Variants in ADAT1 observed in about 807,000 individuals in gnomAD.
ADAT1 encodes adenosine deaminase tRNA specific 1.
In ADAT1, 58 loss-of-function variants were observed where a neutral mutation model predicts 58.6. The observed-to-expected ratio is 0.99, with a 90% CI of 0.80 to 1.23. The LOEUF (loss-of-function observed/expected upper bound fraction) is 1.23. Among genes scored for constraint, ADAT1 ranks in the 50% most tolerant of loss-of-function variants. ADAT1 has a pLI of 0.00. For missense variants in ADAT1, 741 were observed against 608.6 expected (o/e 1.22, Z -2.29); for synonymous variants, 254 against 220.8 (o/e 1.15, Z -1.33).
chr16:75,600,319 T>C lies in ADAT1; in HGVS notation c.1406A>G (p.Tyr469Cys), dbSNP rs1341988350. The C allele has an allele frequency of 1.2e-6, 2 of 1,613,896 alleles. No individual in the cohort carries two copies. Among genetic ancestry groups the C allele is most frequent in the Non-Finnish European group, 8.5e-7 (1 of 1,180,020 alleles). ...CTGGTAAGAGGACGCAGCCTCCTTG[T>C]ACTCCTGGTAGGTATCCAGCTTCTG... is the stretch of plus-strand genomic sequence containing the variant. ...RVQKLDTYQE[Y>C]KEAASSYQEA... is the part of the protein sequence containing the mutation. Residue 469 changes from tyrosine to cysteine, a missense_variant, in exon 10 of 10, where the codon TAC becomes TGC. Tyr to Cys is a radical substitution (Grantham distance 194, BLOSUM62 -2). Coordinates refer to ENST00000564657, the MANE Select transcript of ADAT1 (RefSeq NM_001324445.2).
In ADAT1 at chr16:75,599,262, A is replaced by C; in HGVS notation, c.*954T>G. ...ATGCCCGGCTAGTTTTTGCATTTTT[A>C]GTAGAGACAGGGTTTCACCAGGTTG... On this transcript the variant is annotated 3_prime_UTR_variant, in exon 10 of 10. Transcript: ENST00000564657. 1.2e-6 allele frequency: 1 copy of C among 842,652 alleles called. No individual in the cohort carries two copies. The highest frequency in any genetic ancestry group is 1.4e-6 in the Non-Finnish European group (1 of 700,150). The allele number at this position is 842,652 out of a possible 1,614,324, so 52.2% of individuals were successfully genotyped here.
chr16:75,614,104 C>T (rs1028696104), intron 5 of ADAT1, among the ~76,000 whole-genome samples: 12 of 152,050 alleles, frequency 7.9e-5, no homozygotes, highest in African/African-American at 2.2e-4. Flanking sequence ...GCAGAACAAT[C>T]GCTTGAATCC....
chr16:75,600,150 C>CT lies in ADAT1; in HGVS notation c.*65dup. 1 of 1,594,004 alleles carries CT rather than the reference C, an allele frequency of 6.3e-7. No individual in the cohort carries two copies. The highest frequency in any genetic ancestry group is 8.6e-7 in the Non-Finnish European group (1 of 1,167,370). The stretch of plus-strand genomic sequence containing the variant: ...GATTTAACTACCAAAAAAGCTAAGA[C>CT]TTGTCCTGCGTGGAGGAAGGCAGTT... On this transcript the variant is annotated 3_prime_UTR_variant, in exon 10 of 10. Coordinates refer to ENST00000564657, the MANE Select transcript of ADAT1 (RefSeq NM_001324445.2).
At position 75,600,417 on chromosome 16, in the gene ADAT1, C is replaced by T. The variant is rs184195527; in HGVS notation, c.1377-69G>A. Reference sequence around the variant, plus strand: ...GCCCACCCCAGGGGCCACCAGACACCTGAGCAAGCAACTGGACAGACTTGT... The same window carrying T: ...GCCCACCCCAGGGGCCACCAGACACTTGAGCAAGCAACTGGACAGACTTGT... On this transcript the variant is annotated intron_variant, in intron 9 of 9. Coordinates refer to ENST00000564657, the MANE Select transcript of ADAT1 (RefSeq NM_001324445.2). The T allele has an allele frequency of 1.4e-4, 216 of 1,588,814 alleles. 5 individuals are homozygous for T. In the African/African-American group the frequency reaches 2.1e-3, roughly 15 times the overall value.
chr16:75,617,434 C>T (rs2081770016), intron 4 of ADAT1, among the ~76,000 whole-genome samples, 162 bp from the exon 5 acceptor site: 1 of 151,998 alleles, frequency 6.6e-6, no homozygotes, highest in Non-Finnish European at 1.5e-5. Context: ...AAAGTGTGGT[C>T]CCTGTACCAG....
In ADAT1 at chr16:75,617,152, G is replaced by C; in HGVS notation, c.414C>G (p.Ser138Arg). Residue 138 changes from serine to arginine, a missense_variant, in exon 5 of 10, where the codon AGC becomes AGG. By Grantham distance (110) the Ser-to-Arg change is moderately radical. Coordinates refer to ENST00000564657, the MANE Select transcript of ADAT1 (RefSeq NM_001324445.2). ...CTTGAATATACTTACAGGGTGTATGGCTGGAGAAAAACACAAAAATGAGGT... is the reference window on the plus strand; with the variant it reads ...CTTGAATATACTTACAGGGTGTATGCCTGGAGAAAAACACAAAAATGAGGT... ...RRDLIFVFFS[S>R]HTPCGDASII... The C allele has an allele frequency of 6.2e-7, 1 of 1,613,422 alleles. No individual in the cohort carries two copies. Among genetic ancestry groups the C allele is most frequent in the South Asian group, 1.1e-5 (1 of 91,026 alleles).
At chr16:75,601,375 A>C (rs1338679884) in intron 9 of ADAT1, among the ~76,000 whole-genome samples, 1 of 152,058 alleles carries the variant, frequency 6.6e-6, no homozygotes, top group Non-Finnish European at 1.5e-5. Flanking sequence ...ACTAGTTATC[A>C]AAACCCTACT....
At chr16:75,621,498 T>C (rs760808441) in intron 1 of ADAT1, among the ~76,000 whole-genome samples, 5 of 152,122 alleles carry the variant, frequency 3.3e-5, no homozygotes, top group African/African-American at 7.2e-5. Context: ...GTGATAACAA[T>C]AGTATCTAAC....
At position 75,598,961 on chromosome 16, in the gene ADAT1, G is replaced by C; in HGVS notation, c.*1255C>G. 3.0e-6 allele frequency: 3 copies of C among 985,232 alleles called. No homozygotes were observed. Among genetic ancestry groups the C allele is most frequent in the Non-Finnish European group, 3.6e-6 (3 of 829,920 alleles). 61.0% of individuals were successfully genotyped at this position (985,232 alleles called of 1,614,324 possible). A position where few individuals can be genotyped will look rare whatever the true frequency, so the allele number is the denominator to read the frequency against. ...GACCTTGAGTAACCCCAACATGGGA[G>C]CTTCCATTTTCAGTCAATCATTCAA... On this transcript the variant is annotated 3_prime_UTR_variant, in exon 10 of 10. Transcript: ENST00000564657.
At chr16:75,600,545 C>A (rs192552925) in intron 9 of ADAT1, among the ~76,000 whole-genome samples, 197 bp from the exon 10 acceptor site, 2 of 152,234 alleles carry the variant, frequency 1.3e-5, no homozygotes, top group African/African-American at 4.8e-5. Context: ...GTTGAGAAGC[C>A]AGGGGTAAAA....
At chr16:75,608,197 A>G in intron 8 of ADAT1, 27 bp downstream of exon 8, 1 of 1,593,348 alleles carries the variant, frequency 6.3e-7, no homozygotes, top group Non-Finnish European at 8.6e-7. Context: ...CACAGCCACC[A>G]TCTCCTCCTG....
In ADAT1 at chr16:75,618,098, CAAAAAAAAAAAAAAAA is replaced by C. The variant is rs1163510620; in HGVS notation, c.293+472_293+487del. The stretch of plus-strand genomic sequence containing the variant: ...AGGTAACAGAGCAAGACCCTGTGTC[CAAAAAAAAAAAAAAAA>C]AAAAAAAAAAGAGAGAACCACTAGT... On this transcript the variant is annotated intron_variant, in intron 4 of 9. Coordinates refer to ENST00000564657, the MANE Select transcript of ADAT1 (RefSeq NM_001324445.2). 3.7e-4 allele frequency among the ~76,000 whole-genome samples: 12 copies of C among 32,540 alleles called. No individual in the cohort carries two copies. In the Admixed American group the frequency reaches 4.9e-3, roughly 13 times the overall value. The allele number at this position is 32,540 out of a possible 152,430, so 21.3% of individuals were successfully genotyped here.
rs374379537 is a variant in ADAT1 at position 75,611,531 on chromosome 16, C to T, written c.1043+712G>A. ...CTGCCCTATTCTAGGACTACAGGTGCGTGCCACATCTGGCTAGTTTTTGTA... is the reference window on the plus strand; with the variant it reads ...CTGCCCTATTCTAGGACTACAGGTGTGTGCCACATCTGGCTAGTTTTTGTA... On this transcript the variant is annotated intron_variant, in intron 6 of 9. Transcript: ENST00000564657. Among the ~76,000 whole-genome samples the T allele has an allele frequency of 2.3e-3, 342 of 151,978 alleles. 1 individual carries two copies. Among genetic ancestry groups the T allele is most frequent in the African/African-American group, 7.7e-3 (317 of 41,428 alleles).
At position 75,612,950 on chromosome 16, in the gene ADAT1, A is replaced by C. The variant is rs2081593807; in HGVS notation, c.425-89T>G. ...GGGATCTCTTGGGAATTCATCAGAA[A>C]TGCAAACTCTTGGGACCCACAGTAG... On this transcript the variant is annotated intron_variant, in intron 5 of 9. Coordinates refer to ENST00000564657, the MANE Select transcript of ADAT1 (RefSeq NM_001324445.2). 4.0e-6 allele frequency: 6 copies of C among 1,489,212 alleles called. No individual in the cohort carries two copies. The Admixed American group carries it at 7.0e-5, about 17-fold the overall frequency. 92.2% of individuals were successfully genotyped at this position (1,489,212 alleles called of 1,614,324 possible).
At chr16:75,617,391 G>T in intron 4 of ADAT1, 119 bp from the exon 5 acceptor site, 1 of 1,064,348 alleles carries the variant, frequency 9.4e-7, no homozygotes, top group Non-Finnish European at 1.4e-6. Flanking sequence ...TAGTGATGGG[G>T]AATTATGAGA....
intron 8 of ADAT1, among the ~76,000 whole-genome samples, chr16:75,603,615 T>C (rs2081283270): frequency 6.6e-6 from 1 of 152,182 alleles, no homozygotes; most frequent in Admixed American, 6.5e-5. Flanking sequence ...CCTGGACTCC[T>C]GCCATGGGCA....
At chr16:75,611,739 T>A (rs2081541329) in intron 6 of ADAT1, among the ~76,000 whole-genome samples, 1 of 151,462 alleles carries the variant, frequency 6.6e-6, no homozygotes, top group Non-Finnish European at 1.5e-5. Flanking sequence ...TTACTGGGCA[T>A]TTCAGTTGTT....
chr16:75,607,519 A>G (rs1413654868), intron 8 of ADAT1, among the ~76,000 whole-genome samples: 1 of 149,602 alleles, frequency 6.7e-6, no homozygotes, highest in African/African-American at 2.5e-5. Flanking sequence ...AAAAAAAAAG[A>G]CTGTAATGAG....
intron 1 of ADAT1, 74 bp downstream of exon 1, chr16:75,622,329 T>C (rs935508041): frequency 1.3e-5 from 2 of 152,102 alleles, no homozygotes; most frequent in African/African-American, 4.8e-5. Flanking sequence ...GACTTGAAAG[T>C]CAGAGGGCCA....
Sources: gnomAD v4.1 joint callset for allele counts (sites outside exome capture counted in the v4.1 genomes callset) on GRCh38, gnomAD v4.1.1 for gene constraint, MANE v1.5 for transcripts, NCBI Gene and HGNC (gene_info 2026-07-23, HGNC 2026-07-21) for gene names.